CSMD1: variants seen among roughly 807,000 people sequenced by gnomAD.
CSMD1 encodes the protein CUB and Sushi multiple domains 1.
A neutral mutation model predicts 417.5 loss-of-function variants in CSMD1; 213 were observed. The observed-to-expected ratio is 0.51, with a 90% CI of 0.46 to 0.57. The LOEUF is 0.57. Among genes scored for constraint, CSMD1 ranks in the 20% least tolerant of loss-of-function variants. The pLI, the probability that CSMD1 is intolerant of heterozygous loss-of-function variation, is 0.00. For missense variants in CSMD1, 6,923 were observed against 4,529.7 expected, an observed-to-expected ratio of 1.53 and a Z score of -15.17; for synonymous variants, 2,862 against 1,736.8, an observed-to-expected ratio of 1.65 and a Z score of -16.11.
At chr8:4,344,417 A>C (rs1800661737) in intron 3 of CSMD1, among the ~76,000 whole-genome samples, 1 of 152,070 alleles carries the variant, frequency 6.6e-6, no homozygotes, top group Non-Finnish European at 1.5e-5. Flanking sequence ...TGTTGAGCAA[A>C]GGCAGGAATA....
intron 3 of CSMD1, among the ~76,000 whole-genome samples, chr8:4,366,461 T>A (rs1037990596): frequency 3.3e-5 from 5 of 152,200 alleles, no homozygotes; most frequent in African/African-American, 1.2e-4. Context: ...GGACTGCTGG[T>A]TTAAATAGTA....
chr8:4,488,889 T>C (rs1801556528), intron 2 of CSMD1, among the ~76,000 whole-genome samples: 1 of 152,240 alleles, frequency 6.6e-6, no homozygotes, highest in African/African-American at 2.4e-5. Context: ...TCCTGCAGAA[T>C]GTGCATGCCT....
chr8:4,848,588 G>A (rs923982387), intron 1 of CSMD1, among the ~76,000 whole-genome samples: 2 of 151,078 alleles, frequency 1.3e-5, no homozygotes, highest in East Asian at 2.0e-4. Flanking sequence ...ACCCAGGCCT[G>A]CGGTGCTGTG....
At chr8:3,509,991 T>C (rs1006914077) in intron 10 of CSMD1, among the ~76,000 whole-genome samples, 4 of 152,180 alleles carry the variant, frequency 2.6e-5, no homozygotes, top group African/African-American at 7.2e-5. Flanking sequence ...AAATTGCAAA[T>C]GCATCTCTCC....
intron 5 of CSMD1, among the ~76,000 whole-genome samples, chr8:3,970,792 A>G (rs1813027990): frequency 2.0e-5 from 3 of 151,910 alleles, no homozygotes; most frequent in African/African-American, 7.3e-5. Context: ...CACTCTTGTT[A>G]CCCAGGCTGG....
chr8:4,170,183 A>G (rs1485493979), intron 3 of CSMD1, among the ~76,000 whole-genome samples: 1 of 151,746 alleles, frequency 6.6e-6, no homozygotes, highest in East Asian at 1.9e-4. Flanking sequence ...AGGACCTTTC[A>G]CAGTCCACGC....
At chr8:4,799,097 T>C (rs1585117932) in intron 1 of CSMD1, among the ~76,000 whole-genome samples, 1 of 152,174 alleles carries the variant, frequency 6.6e-6, no homozygotes, top group Admixed American at 6.5e-5. Context: ...GCATCTTTCC[T>C]TCCGGGCCAT....
Position 3,574,981 on chromosome 8 carries a change from G to C in CSMD1, c.1308C>G (p.His436Gln). 2 of 1,613,102 alleles carry C rather than the reference G, an allele frequency of 1.2e-6. No individual in the cohort carries two copies. Among genetic ancestry groups the C allele is most frequent in the East Asian group, 2.2e-5 (1 of 44,864 alleles). ...CGGTGGTGGTGATGACCCACACACA[G>C]TGTGCATTATCTTCATACTGAACCG... ...NYPVQYEDNA[H>Q]CVWVITTTDP... is the part of the protein sequence containing the mutation. Residue 436 changes from histidine to glutamine, a missense_variant, in exon 10 of 70, where the codon CAC becomes CAG. Physicochemically the swap from His to Gln is conservative, Grantham distance 24. Coordinates refer to ENST00000635120, the MANE Select transcript of CSMD1 (RefSeq NM_033225.6).
At position 4,271,686 on chromosome 8, in the gene CSMD1, C is replaced by T. The variant is rs376705164; in HGVS notation, c.415+148267G>A. On this transcript the variant is annotated intron_variant, in intron 3 of 69. Coordinates refer to ENST00000635120, the MANE Select transcript of CSMD1 (RefSeq NM_033225.6). Reference sequence around the variant, plus strand: ...TACATCCACTTTAAGGTATACATCACTATATGTATATTAATCCTAACTCAC... The same window carrying T: ...TACATCCACTTTAAGGTATACATCATTATATGTATATTAATCCTAACTCAC... Among the ~76,000 whole-genome samples the T allele has an allele frequency of 9.9e-5, 15 of 152,224 alleles. 2 individuals are homozygous for T. Among genetic ancestry groups the T allele is most frequent in the Admixed American group, 2.0e-4 (3 of 15,284 alleles).
At position 4,895,709 on chromosome 8, in the gene CSMD1, TCA is replaced by T. The variant is rs1035558591; in HGVS notation, c.85+98621_85+98622del. 4.5e-4 allele frequency among the ~76,000 whole-genome samples: 69 copies of T among 151,900 alleles called. 2 individuals carry two copies. The highest frequency in any genetic ancestry group is 7.4e-5 in the Non-Finnish European group (5 of 67,974). ...CCTTCCCTGATTTTTTTTTTTCTCC[TCA>T]GTCTTCAAACCTACAAAGCCTCTAT... On this transcript the variant is annotated intron_variant, in intron 1 of 69. Transcript: ENST00000635120.
At chr8:4,668,651 C>T (rs1034772418) in intron 1 of CSMD1, among the ~76,000 whole-genome samples, 1 of 151,682 alleles carries the variant, frequency 6.6e-6, no homozygotes, top group African/African-American at 2.4e-5. Flanking sequence ...GGGGTTTCAT[C>T]GTGTTAGCCA....
chr8:3,182,767 GTAT>G (rs1821448276), intron 36 of CSMD1, among the ~76,000 whole-genome samples: 2 of 139,056 alleles, frequency 1.4e-5, no homozygotes, highest in South Asian at 2.3e-4. Context: ...GTGTGTGTGT[GTAT>G]TGTTAGAGAA....
At chr8:4,040,135 G>A (rs1296883932) in intron 3 of CSMD1, among the ~76,000 whole-genome samples, 2 of 152,152 alleles carry the variant, frequency 1.3e-5, no homozygotes, top group Non-Finnish European at 2.9e-5. Context: ...TTTTTAAAGG[G>A]TATGAGAGTC....
intron 2 of CSMD1, among the ~76,000 whole-genome samples, chr8:4,445,600 T>G (rs1363510266): frequency 6.6e-6 from 1 of 152,172 alleles, no homozygotes; most frequent in Non-Finnish European, 1.5e-5. Context: ...AAGAAAGAAC[T>G]GTGTGTTCAG....
intron 9 of CSMD1, among the ~76,000 whole-genome samples, chr8:3,583,389 A>C (rs985362873): frequency 2.0e-5 from 3 of 152,022 alleles, no homozygotes; most frequent in Admixed American, 2.0e-4. Context: ...ATAGACTGCT[A>C]GTAGAAATCT....
At position 4,290,603 on chromosome 8, in the gene CSMD1, G is replaced by A. The variant is rs578183839; in HGVS notation, c.415+129350C>T. On this transcript the variant is annotated intron_variant, in intron 3 of 69. Transcript: ENST00000635120. ...CCCATGCTTCATACAATTTACCAAG[G>A]ACAGGTAGATGCTGTATTTAGGAAA... Among the ~76,000 whole-genome samples, 8 of 152,300 alleles carry A rather than the reference G, an allele frequency of 5.3e-5. No individual in the cohort carries two copies. The East Asian group carries it at 1.5e-3, about 29-fold the overall frequency.
intron 10 of CSMD1, among the ~76,000 whole-genome samples, chr8:3,545,469 G>A (rs1435376880): frequency 6.6e-6 from 1 of 152,160 alleles, no homozygotes; most frequent in Non-Finnish European, 1.5e-5. Flanking sequence ...AATTTTCCAG[G>A]CCTAGGTCTA....
intron 26 of CSMD1, among the ~76,000 whole-genome samples, chr8:3,266,550 G>A (rs1585857510): frequency 7.0e-6 from 1 of 143,810 alleles, no homozygotes; most frequent in Admixed American, 7.4e-5. Flanking sequence ...AGGTTGCAGT[G>A]AGCCGAGATC....
chr8:3,912,915 T>G (rs1211345542), intron 5 of CSMD1, among the ~76,000 whole-genome samples: 1 of 152,164 alleles, frequency 6.6e-6, no homozygotes, highest in Non-Finnish European at 1.5e-5. Flanking sequence ...GCAGCTATGG[T>G]GGTCATTCAG....
Sources: allele counts gnomAD v4.1 joint callset (sites outside exome capture counted in the v4.1 genomes callset), GRCh38; gene constraint gnomAD v4.1.1; transcripts MANE v1.5; gene names NCBI Gene and HGNC (gene_info 2026-07-23, HGNC 2026-07-21).